The following BMP2K variants were observed in gnomAD, a reference collection of about 807,000 sequenced individuals.
BMP2K encodes the protein BMP-2-inducible protein kinase.
Under a neutral mutation model 116.0 loss-of-function variants are expected in BMP2K, and 74 were observed. The ratio of observed to expected loss-of-function variants is 0.64; its 90% CI spans 0.53 to 0.77. The LOEUF (loss-of-function observed/expected upper bound fraction) is 0.77. Ranked by LOEUF, BMP2K falls within the 30% of genes least tolerant of loss-of-function variation. BMP2K has a pLI of 0.00. For synonymous variants in BMP2K, 486 were observed against 502.5 expected, an observed-to-expected ratio of 0.97 and a Z score of 0.44; for missense variants, 1,365 against 1,403.6, an observed-to-expected ratio of 0.97 and a Z score of 0.44.
chr4:78,889,791 T>G (rs1733332877), intron 15 of BMP2K, among the ~76,000 whole-genome samples: 1 of 152,266 alleles, frequency 6.6e-6, no homozygotes, highest in East Asian at 1.9e-4. Context: ...CCATCTTATT[T>G]GAATTTGAGA....
intron 15 of BMP2K, among the ~76,000 whole-genome samples, chr4:78,898,071 C>T (rs955583569): frequency 6.6e-6 from 1 of 152,112 alleles, no homozygotes; most frequent in African/African-American, 2.4e-5. Flanking sequence ...TGCATGTGAA[C>T]TTACAGGAAT....
intron 7 of BMP2K, among the ~76,000 whole-genome samples, chr4:78,852,070 T>A (rs1428150435): frequency 6.6e-6 from 1 of 152,024 alleles, no homozygotes. Context: ...AAAGGGAGCA[T>A]AGAAGAAATC....
intron 15 of BMP2K, chr4:78,898,815 T>G (rs991260049): frequency 1.3e-5 from 2 of 152,162 alleles, no homozygotes; most frequent in Non-Finnish European, 2.9e-5. Flanking sequence ...ATTGCTTCAC[T>G]ACTTCAAGTC....
At chr4:78,789,909 C>T (rs924383222) in intron 1 of BMP2K, among the ~76,000 whole-genome samples, 9 of 152,110 alleles carry the variant, frequency 5.9e-5, no homozygotes, top group African/African-American at 1.7e-4. Flanking sequence ...TCTTCTCTTC[C>T]GAGTTCAAGG....
chr4:78,817,724 C>G (rs191875629), intron 1 of BMP2K, among the ~76,000 whole-genome samples: 2 of 151,924 alleles, frequency 1.3e-5, no homozygotes, highest in African/African-American at 4.8e-5. Flanking sequence ...GGTAGGGGGT[C>G]GGGGGAAAGG....
intron 3 of BMP2K, among the ~76,000 whole-genome samples, chr4:78,839,607 A>G (rs1032082380): frequency 7.2e-5 from 11 of 152,190 alleles, no homozygotes; most frequent in African/African-American, 2.4e-4. Context: ...CAGAACTAAT[A>G]GGATAGATAT....
intron 1 of BMP2K, among the ~76,000 whole-genome samples, chr4:78,803,589 G>T (rs1297258831): frequency 6.6e-6 from 1 of 152,028 alleles, no homozygotes; most frequent in Non-Finnish European, 1.5e-5. Flanking sequence ...ATGTTGTCCA[G>T]GCTGGTCTTG....
intron 1 of BMP2K, among the ~76,000 whole-genome samples, chr4:78,799,653 G>T (rs1728471439): frequency 6.6e-6 from 1 of 152,184 alleles, no homozygotes; most frequent in African/African-American, 2.4e-5. Flanking sequence ...TACGTAAGAT[G>T]TTTGTAAGGC....
intron 1 of BMP2K, among the ~76,000 whole-genome samples, chr4:78,808,459 G>T (rs1275577017): frequency 2.0e-5 from 3 of 151,766 alleles, no homozygotes; most frequent in African/African-American, 7.3e-5. Flanking sequence ...TAGAGACGGG[G>T]TTTTCACCAT....
intron 15 of BMP2K, chr4:78,899,198 C>G (rs911559461): frequency 6.6e-6 from 1 of 151,968 alleles, no homozygotes; most frequent in African/African-American, 2.4e-5. Flanking sequence ...GAAATAACAG[C>G]CTGAGAGAGA....
At chr4:78,856,400 C>T (rs1443251703) in intron 7 of BMP2K, among the ~76,000 whole-genome samples, 1 of 152,082 alleles carries the variant, frequency 6.6e-6, no homozygotes, top group Non-Finnish European at 1.5e-5. Flanking sequence ...TACCTCTGCG[C>T]ACTCTAGATT....
intron 2 of BMP2K, among the ~76,000 whole-genome samples, chr4:78,833,367 T>G (rs1357249311): frequency 6.6e-6 from 1 of 152,112 alleles, no homozygotes; most frequent in East Asian, 1.9e-4. Context: ...TAAAAATAAT[T>G]TTCATATTTG....
At chr4:78,874,640 T>C (rs1732546598) in intron 13 of BMP2K, among the ~76,000 whole-genome samples, 1 of 152,234 alleles carries the variant, frequency 6.6e-6, no homozygotes. Flanking sequence ...ATACTTCATA[T>C]TCTAAAAGTC....
At chr4:78,827,592 T>C (rs1407894119) in intron 2 of BMP2K, among the ~76,000 whole-genome samples, 1 of 152,136 alleles carries the variant, frequency 6.6e-6, no homozygotes, top group African/African-American at 2.4e-5. Context: ...CCAGTGACCT[T>C]CCCAATCTGG....
intron 1 of BMP2K, among the ~76,000 whole-genome samples, chr4:78,788,036 A>T (rs1190654280): frequency 6.6e-6 from 1 of 152,106 alleles, no homozygotes; most frequent in Non-Finnish European, 1.5e-5. Context: ...TCATAAAGAT[A>T]CTACTACTAA....
At chr4:78,815,891 A>G (rs1729314906) in intron 1 of BMP2K, among the ~76,000 whole-genome samples, 1 of 152,164 alleles carries the variant, frequency 6.6e-6, no homozygotes, top group African/African-American at 2.4e-5. Flanking sequence ...GAGGATGGAA[A>G]CTTAAAAAAA....
chr4:78,803,157 A>G (rs1251985759), intron 1 of BMP2K, among the ~76,000 whole-genome samples: 1 of 151,892 alleles, frequency 6.6e-6, no homozygotes, highest in African/African-American at 2.4e-5. Flanking sequence ...GCCAGAGTTT[A>G]TAATCTTGAT....
intron 1 of BMP2K, among the ~76,000 whole-genome samples, chr4:78,807,067 G>C (rs1184254938): frequency 6.6e-6 from 1 of 152,072 alleles, no homozygotes; most frequent in Admixed American, 6.5e-5. Flanking sequence ...GGCCAGGCTG[G>C]TCTTGAACTC....
rs552396058 is a variant in BMP2K at position 78,893,795 on chromosome 4, C to T, written c.2062+6511C>T. 5.5e-4 allele frequency among the ~76,000 whole-genome samples: 84 copies of T among 152,270 alleles called. 1 individual carries two copies. Among genetic ancestry groups the T allele is most frequent in the African/African-American group, 2.0e-3 (82 of 41,566 alleles). ...GCCCAGGTTCGTCTTGAACTCCTGG[C>T]CTCAAGCAGCCCTCTCACCTCAACC... On this transcript the variant is annotated intron_variant, in intron 15 of 15. Transcript: ENST00000502613.
Sources: allele counts gnomAD v4.1 joint callset (sites outside exome capture counted in the v4.1 genomes callset), GRCh38; gene constraint gnomAD v4.1.1; transcripts MANE v1.5; gene names NCBI Gene and HGNC (gene_info 2026-07-23, HGNC 2026-07-21).